The following SHISAL1 variants were observed in gnomAD, a reference collection of about 807,000 sequenced individuals.
SHISAL1 encodes the protein shisa like 1.
A neutral mutation model predicts 22.6 loss-of-function variants in SHISAL1; 9 were observed. That is an observed-to-expected ratio of 0.40 (90% CI 0.24 to 0.70). The LOEUF (loss-of-function observed/expected upper bound fraction) is 0.70. SHISAL1 is among the 30% of genes least tolerant of loss of function. The pLI is 0.39. For synonymous variants in SHISAL1, 119 were observed against 115.4 expected (o/e 1.03, Z -0.20); for missense variants, 246 against 270.6 (o/e 0.91, Z 0.64).
chr22:44,323,028 A>ACCATCCAT, the SHISAL1 span, among the ~76,000 whole-genome samples: 2,730 of 126,658 alleles, frequency 0.022, 54 homozygotes, highest in East Asian at 0.099. Flanking sequence ...GCATCCATCC[A>ACCATCCAT]CCATCCATCC....
chr22:44,299,987 CAAAGAG>C (rs2055415389), intron 2 of SHISAL1, among the ~76,000 whole-genome samples: 1 of 134,038 alleles, frequency 7.5e-6, no homozygotes, highest in Non-Finnish European at 1.5e-5. Context: ...GAGACAAAGA[CAAAGAG>C]GCAGAGGACA....
intron 4 of SHISAL1, among the ~76,000 whole-genome samples, chr22:44,259,439 AAATAG>A (rs1342780300): frequency 2.6e-5 from 4 of 151,406 alleles, no homozygotes; most frequent in South Asian, 2.1e-4. Context: ...CTCTGTCTAA[AAATAG>A]AATAGAATAA....
At chr22:44,257,825 T>A (rs964718433) in intron 4 of SHISAL1, among the ~76,000 whole-genome samples, 4 of 152,226 alleles carry the variant, frequency 2.6e-5, no homozygotes, top group African/African-American at 9.6e-5. Flanking sequence ...GGGAACTGCA[T>A]TAGCGTGAGC....
At chr22:44,272,696 G>A (rs2055213317) in intron 4 of SHISAL1, among the ~76,000 whole-genome samples, 1 of 152,224 alleles carries the variant, frequency 6.6e-6, no homozygotes, top group African/African-American at 2.4e-5. Flanking sequence ...GGAAGGGCCA[G>A]GAGCTGCAAA....
chr22:44,256,277 T>C (rs6006713), intron 4 of SHISAL1, among the ~76,000 whole-genome samples: 21,917 of 132,768 alleles, frequency 0.17, 1,772 homozygotes, highest in East Asian at 0.33. Flanking sequence ...CGACTCAAAG[T>C]GGAACTCACA....
intron 4 of SHISAL1, among the ~76,000 whole-genome samples, chr22:44,253,340 C>A (rs1384310250): frequency 6.6e-6 from 1 of 151,358 alleles, no homozygotes; most frequent in African/African-American, 2.4e-5. Context: ...AATGAATGTT[C>A]ATGTACCAAA....
rs919818020 is a variant in SHISAL1 at position 44,310,780 on chromosome 22, G to A, written c.-33+1971C>T. 2.0e-5 allele frequency among the ~76,000 whole-genome samples: 3 copies of A among 152,036 alleles called. No individual in the cohort carries two copies. Among genetic ancestry groups the A allele is most frequent in the African/African-American group, 4.8e-5 (2 of 41,380 alleles). On this transcript the variant is annotated intron_variant, in intron 1 of 4. Coordinates refer to ENST00000381176, the MANE Select transcript of SHISAL1 (RefSeq NM_001099294.2). The surrounding 1 kb of genome is among the most constrained non-coding windows in gnomAD (Gnocchi z 4.0). ...CAGTTCATCTTTCCGTGCTTTGCTT[G>A]TTCCTTTAGTTGGCACGGATTTCCC... is the stretch of plus-strand genomic sequence containing the variant.
chr22:44,310,061 T>A lies in SHISAL1; in HGVS notation c.-33+2690A>T, dbSNP rs1394590367. On this transcript the variant is annotated intron_variant, in intron 1 of 4. Transcript: ENST00000381176. The surrounding 1 kb of genome is among the most constrained non-coding windows in gnomAD (Gnocchi z 4.0). ...GCAGCCCGTTCGCCTGCAGCTGGGG[T>A]GCCGGGCTCCACGGCTGACAGTGAG... is the stretch of plus-strand genomic sequence containing the variant. Among the ~76,000 whole-genome samples the A allele has an allele frequency of 6.6e-6, 1 of 152,072 alleles. No homozygotes were observed. Among genetic ancestry groups the A allele is most frequent in the Non-Finnish European group, 1.5e-5 (1 of 68,016 alleles).
Position 44,244,626 on chromosome 22 carries a change from AG to A in SHISAL1, c.*5058del, listed in dbSNP as rs2054982952. The A allele has an allele frequency of 6.6e-6, 1 of 152,188 alleles. No individual in the cohort carries two copies. Among genetic ancestry groups the A allele is most frequent in the Non-Finnish European group, 1.5e-5 (1 of 68,048 alleles). 9.4% of individuals were successfully genotyped at this position (152,188 alleles called of 1,614,324 possible). A position where few individuals can be genotyped will look rare whatever the true frequency, so the allele number is the denominator to read the frequency against. On this transcript the variant is annotated 3_prime_UTR_variant, in exon 5 of 5. Coordinates refer to ENST00000381176, the MANE Select transcript of SHISAL1 (RefSeq NM_001099294.2). ...CCAAGGTCACTTTCACGGGTGGGAC[AG>A]GTAAGTGTTCTGAATTCATTTTGTG...
At chr22:44,271,742 G>C (rs1359151035) in intron 4 of SHISAL1, among the ~76,000 whole-genome samples, 1 of 152,124 alleles carries the variant, frequency 6.6e-6, no homozygotes, top group Non-Finnish European at 1.5e-5. Context: ...TTGGTTTTTT[G>C]GGAACATTAC....
intron 3 of SHISAL1, among the ~76,000 whole-genome samples, chr22:44,287,439 T>C (rs1190024679): frequency 6.6e-6 from 1 of 151,948 alleles, no homozygotes; most frequent in Non-Finnish European, 1.5e-5. Flanking sequence ...GGCTGGGAGG[T>C]CTCTGCATGT....
chr22:44,258,440 G>A (rs921081273), intron 4 of SHISAL1, among the ~76,000 whole-genome samples: 6 of 152,222 alleles, frequency 3.9e-5, no homozygotes, highest in Non-Finnish European at 7.3e-5. Flanking sequence ...GTACCCATTA[G>A]TTATTTTTCC....
intron 2 of SHISAL1, 134 bp downstream of exon 2, chr22:44,300,745 G>A: frequency 2.9e-6 from 2 of 696,348 alleles, no homozygotes; most frequent in South Asian, 3.4e-5. Context: ...CTCACCAGAG[G>A]GGTGCCAGTA....
upstream of SHISAL1, among the ~76,000 whole-genome samples, chr22:44,317,847 G>A (rs1211127189): frequency 2.0e-5 from 3 of 152,174 alleles, no homozygotes; most frequent in Non-Finnish European, 4.4e-5. Context: ...CTGCTTAGTC[G>A]TCCCCAAACT....
At chr22:44,294,555 AG>A (rs1056350464) in intron 3 of SHISAL1, among the ~76,000 whole-genome samples, 3 of 152,240 alleles carry the variant, frequency 2.0e-5, no homozygotes, top group Non-Finnish European at 4.4e-5. Flanking sequence ...TAAAATTAGA[AG>A]GAGATAAGAA....
intron 4 of SHISAL1, among the ~76,000 whole-genome samples, chr22:44,264,653 C>A (rs555784732): frequency 6.6e-6 from 1 of 152,202 alleles, no homozygotes; most frequent in African/African-American, 2.4e-5. Flanking sequence ...CAGAGTCCTA[C>A]AGGCCCCAGC....
intron 4 of SHISAL1, among the ~76,000 whole-genome samples, chr22:44,252,752 T>C (rs545024317): frequency 6.6e-6 from 1 of 151,932 alleles, no homozygotes; most frequent in African/African-American, 2.4e-5. Context: ...CTCAGCACTC[T>C]GGGAGGCTGA....
chr22:44,245,679 G>A lies in SHISAL1; in HGVS notation c.*4006C>T, dbSNP rs1169633127. 1 of 152,238 alleles carries A rather than the reference G, an allele frequency of 6.6e-6. No homozygotes were observed. The highest frequency in any genetic ancestry group is 1.5e-5 in the Non-Finnish European group (1 of 68,080). The allele number at this position is 152,238 out of a possible 1,614,324, so 9.4% of individuals were successfully genotyped here. ...GACAGCGGCCTGTGGGGGAGTCAGT[G>A]CCAAGCACAGCCACACCCACAGCCC... On this transcript the variant is annotated 3_prime_UTR_variant, in exon 5 of 5. Coordinates refer to ENST00000381176, the MANE Select transcript of SHISAL1 (RefSeq NM_001099294.2).
At chr22:44,300,574 C>T (rs1340015000) in intron 2 of SHISAL1, among the ~76,000 whole-genome samples, 3 of 152,158 alleles carry the variant, frequency 2.0e-5, no homozygotes, top group African/African-American at 4.8e-5. Flanking sequence ...AACCTTGTCT[C>T]GCAGGGGCAA....
Sources: allele counts gnomAD v4.1 joint callset (sites outside exome capture counted in the v4.1 genomes callset), GRCh38; gene constraint gnomAD v4.1.1; non-coding constraint Gnocchi (gnomAD v3.1); transcripts MANE v1.5; gene names NCBI Gene and HGNC (gene_info 2026-07-23, HGNC 2026-07-21).